SPAG16: variants seen among roughly 807,000 people sequenced by gnomAD.
The protein encoded by SPAG16 is sperm-associated antigen 16 protein.
In SPAG16, 86 loss-of-function variants were observed where a neutral mutation model predicts 80.4. That is an observed-to-expected ratio of 1.07 (90% CI 0.90 to 1.28). The LOEUF (loss-of-function observed/expected upper bound fraction) is 1.28. Ranked by LOEUF, SPAG16 falls within the 50% of genes most tolerant of loss-of-function variation. SPAG16 has a pLI of 0.00. For synonymous variants in SPAG16, 294 were observed against 265.9 expected (o/e 1.11, Z -1.03); for missense variants, 870 against 765.3 (o/e 1.14, Z -1.61).
chr2:213,396,668 C>T (rs893770919), intron 9 of SPAG16: 1 of 456,424 alleles, frequency 2.2e-6, no homozygotes, highest in Admixed American at 2.4e-5. Flanking sequence ...AAGAGAACAA[C>T]AGTGCACACC....
chr2:213,645,166 A>G (rs1365513330), intron 10 of SPAG16, among the ~76,000 whole-genome samples: 1 of 152,162 alleles, frequency 6.6e-6, no homozygotes. Flanking sequence ...GCCAGACTAC[A>G]AGCCAATGTT....
At chr2:213,753,784 G>T (rs1263606259) in intron 10 of SPAG16, among the ~76,000 whole-genome samples, 2 of 152,208 alleles carry the variant, frequency 1.3e-5, no homozygotes, top group African/African-American at 4.8e-5. Flanking sequence ...CACTGCAATT[G>T]TAGATGGCAT....
intron 13 of SPAG16, among the ~76,000 whole-genome samples, chr2:214,024,030 A>G (rs1484721363): frequency 1.3e-5 from 2 of 151,732 alleles, no homozygotes; most frequent in African/African-American, 4.8e-5. Context: ...ATTCCATTCA[A>G]TAAAGATGGA....
chr2:213,437,431 T>C (rs1326112265), intron 9 of SPAG16, among the ~76,000 whole-genome samples: 2 of 152,236 alleles, frequency 1.3e-5, no homozygotes, highest in Non-Finnish European at 2.9e-5. Context: ...GCTTAGCACA[T>C]GGTAAACCTT....
At chr2:213,949,179 T>TTTTTTTGTTTTTTTTTTTTTTTTTTTG (rs1553677659) in intron 12 of SPAG16, among the ~76,000 whole-genome samples, 1 of 36,244 alleles carries the variant, frequency 2.8e-5, no homozygotes, top group Admixed American at 4.8e-4. Context: ...GTTTTTTTTT[T>TTTTTTTGTTTTTTTTTTTTTTTTTTTG]TTTTTTTTTT....
chr2:214,234,477 A>G (rs1688938932), intron 15 of SPAG16, among the ~76,000 whole-genome samples: 1 of 152,132 alleles, frequency 6.6e-6, no homozygotes. Context: ...GTCTTCCACA[A>G]TTGTTGAACT....
At chr2:214,353,266 C>T (rs575197966) in intron 15 of SPAG16, among the ~76,000 whole-genome samples, 12 of 151,314 alleles carry the variant, frequency 7.9e-5, no homozygotes, top group African/African-American at 2.9e-4. Flanking sequence ...CTTAAGTTTA[C>T]TACTAAATAT....
At chr2:214,254,518 TG>T (rs1245788990) in intron 15 of SPAG16, among the ~76,000 whole-genome samples, 2 of 151,758 alleles carry the variant, frequency 1.3e-5, no homozygotes, top group African/African-American at 4.8e-5. Flanking sequence ...TTAGGCGGGC[TG>T]TATATCTTAA....
At chr2:214,362,019 T>C (rs1912200) in intron 15 of SPAG16, among the ~76,000 whole-genome samples, 84,314 of 151,474 alleles carry the variant, frequency 0.56, 28,790 homozygotes, top group South Asian at 0.75. Flanking sequence ...GGATTATCAG[T>C]CAGGATTGTT....
intron 15 of SPAG16, among the ~76,000 whole-genome samples, chr2:214,264,025 C>T (rs1421083587): frequency 6.6e-6 from 1 of 152,096 alleles, no homozygotes; most frequent in East Asian, 1.9e-4. Flanking sequence ...GTGGCATCTA[C>T]CAGAATTATA....
At chr2:213,702,893 A>G (rs1036679224) in intron 10 of SPAG16, among the ~76,000 whole-genome samples, 11 of 152,194 alleles carry the variant, frequency 7.2e-5, no homozygotes, top group Admixed American at 2.0e-4. Flanking sequence ...ACTCAGACCC[A>G]AGGAGGTGGG....
chr2:214,315,795 G>GT (rs920111316), intron 15 of SPAG16, among the ~76,000 whole-genome samples: 1 of 152,122 alleles, frequency 6.6e-6, no homozygotes, highest in Non-Finnish European at 1.5e-5. Flanking sequence ...GCCTCCCAAA[G>GT]TGTTGGGATT....
chr2:214,003,009 T>A (rs538264873), intron 12 of SPAG16, among the ~76,000 whole-genome samples: 1 of 152,242 alleles, frequency 6.6e-6, no homozygotes, highest in South Asian at 2.1e-4. Flanking sequence ...ACTCTCAGAA[T>A]AATAAAGGCC....
chr2:214,348,306 T>C (rs1016509973), intron 15 of SPAG16, among the ~76,000 whole-genome samples: 1 of 152,078 alleles, frequency 6.6e-6, no homozygotes, highest in Non-Finnish European at 1.5e-5. Context: ...ATGAGGGTGT[T>C]TTTCACATGG....
At chr2:214,055,988 T>G (rs2049918759) in intron 13 of SPAG16, among the ~76,000 whole-genome samples, 1 of 152,142 alleles carries the variant, frequency 6.6e-6, no homozygotes, top group African/African-American at 2.4e-5. Context: ...CTGTCAACAG[T>G]AATTTAAAGT....
At chr2:214,306,850 TG>T (rs1694952110) in intron 15 of SPAG16, among the ~76,000 whole-genome samples, 1 of 152,104 alleles carries the variant, frequency 6.6e-6, no homozygotes, top group Non-Finnish European at 1.5e-5. Context: ...GTTTTGTTTT[TG>T]TTATTGTATC....
At chr2:214,067,848 C>G (rs1435600529) in intron 13 of SPAG16, among the ~76,000 whole-genome samples, 2 of 152,074 alleles carry the variant, frequency 1.3e-5, no homozygotes, top group African/African-American at 2.4e-5. Flanking sequence ...TCCACCAAGT[C>G]TGACACCATG....
intron 10 of SPAG16, among the ~76,000 whole-genome samples, chr2:213,596,779 C>A (rs2060897573): frequency 6.6e-6 from 1 of 152,082 alleles, no homozygotes; most frequent in South Asian, 2.1e-4. Flanking sequence ...AGCTGGCTAT[C>A]CAAGTTAATG....
chr2:213,370,663 T>C (rs1469984421), intron 8 of SPAG16, among the ~76,000 whole-genome samples: 2 of 152,236 alleles, frequency 1.3e-5, no homozygotes, highest in Non-Finnish European at 2.9e-5. Context: ...TCTACTCTAA[T>C]GGTTTAAATT....
Sources: allele counts gnomAD v4.1 joint callset (sites outside exome capture counted in the v4.1 genomes callset), GRCh38; gene constraint gnomAD v4.1.1; transcripts MANE v1.5; gene names NCBI Gene and HGNC (gene_info 2026-07-23, HGNC 2026-07-21).